Variants in GNAQ observed in about 807,000 individuals in gnomAD.
GNAQ encodes guanine nucleotide-binding protein G(q) subunit alpha.
In GNAQ, 8 loss-of-function variants were observed where a neutral mutation model predicts 43.9. The observed-to-expected ratio is 0.18, with a 90% confidence interval of 0.11 to 0.33. The LOEUF (loss-of-function observed/expected upper bound fraction) is 0.33, where lower values mean the gene tolerates loss of function less well. GNAQ is among the 10% of genes least tolerant of loss of function. The probability of loss-of-function intolerance (pLI) is 1.00; values close to 1 mark genes in which losing one functional copy is unlikely to be tolerated. For missense variants in GNAQ, 158 were observed against 450.8 expected (o/e 0.35, Z 5.88); for synonymous variants, 155 against 170.7 (o/e 0.91, Z 0.71).
At chr9:77,779,618 T>C (rs983627626) in intron 5 of GNAQ, among the ~76,000 whole-genome samples, 33 of 143,658 alleles carry the variant, frequency 2.3e-4, no homozygotes, top group South Asian at 1.1e-3. Flanking sequence ...AAACCAAAGC[T>C]GATTCTTCGA....
intron 5 of GNAQ, among the ~76,000 whole-genome samples, chr9:77,764,182 A>C (rs1207244924): frequency 6.6e-6 from 1 of 152,182 alleles, no homozygotes; most frequent in Admixed American, 6.5e-5. Context: ...TTCTAGTCTC[A>C]GAGTTGAAGG....
chr9:77,894,402 T>TAATAGAAAAAATATATAA (rs1828465001), intron 2 of GNAQ, among the ~76,000 whole-genome samples: 1 of 1,122 alleles, frequency 8.9e-4, no homozygotes, highest in African/African-American at 3.5e-3. Flanking sequence ...AATATATATT[T>TAATAGAAAAAATATATAA]TATATATATA....
chr9:77,979,859 G>T (rs1320095270), intron 1 of GNAQ, among the ~76,000 whole-genome samples: 3 of 152,064 alleles, frequency 2.0e-5, no homozygotes, highest in Non-Finnish European at 2.9e-5. Context: ...CCTGATTTTG[G>T]TTAATGTTTA....
chr9:77,737,129 A>G (rs772232771), intron 5 of GNAQ, among the ~76,000 whole-genome samples: 7 of 152,174 alleles, frequency 4.6e-5, no homozygotes, highest in Non-Finnish European at 1.0e-4. Context: ...TGACTTTTCA[A>G]TTCACTGAAC....
chr9:77,904,781 T>A (rs1037562298), intron 2 of GNAQ, among the ~76,000 whole-genome samples: 1 of 152,182 alleles, frequency 6.6e-6, no homozygotes, highest in African/African-American at 2.4e-5. Flanking sequence ...CACATCAACA[T>A]GTTTGAAAAC....
chr9:77,857,380 T>C (rs1827771939), intron 2 of GNAQ, among the ~76,000 whole-genome samples: 1 of 152,130 alleles, frequency 6.6e-6, no homozygotes, highest in South Asian at 2.1e-4. Flanking sequence ...ACTTCTTATC[T>C]AGATCTTTGT....
chr9:77,917,296 T>A (rs1031116960), intron 2 of GNAQ, among the ~76,000 whole-genome samples: 2 of 151,980 alleles, frequency 1.3e-5, no homozygotes, highest in African/African-American at 4.8e-5. Flanking sequence ...CTTTCCTTTT[T>A]AATTAAGAGC....
intron 1 of GNAQ, among the ~76,000 whole-genome samples, chr9:77,965,045 A>G (rs1453005033): frequency 6.6e-6 from 1 of 152,164 alleles, no homozygotes; most frequent in African/African-American, 2.4e-5. Context: ...ACAAACCCAG[A>G]TCACAGCCTC....
chr9:77,856,235 G>A (rs1374513224), intron 2 of GNAQ, among the ~76,000 whole-genome samples: 1 of 152,160 alleles, frequency 6.6e-6, no homozygotes, highest in African/African-American at 2.4e-5. Flanking sequence ...GAACTGAAAA[G>A]TATCTAGGTT....
At chr9:77,848,649 G>A (rs1273440136) in intron 2 of GNAQ, among the ~76,000 whole-genome samples, 1 of 152,336 alleles carries the variant, frequency 6.6e-6, no homozygotes, top group East Asian at 1.9e-4. Context: ...TTAGTGTGGT[G>A]GGAATAAGGA....
chr9:78,017,220 A>C (rs189134480), intron 1 of GNAQ, among the ~76,000 whole-genome samples: 407 of 152,274 alleles, frequency 2.7e-3, no homozygotes, highest in Non-Finnish European at 4.5e-3. Flanking sequence ...CTGTGGTGTA[A>C]ACCCTAGCAA....
At chr9:77,981,576 A>C (rs1564169622) in intron 1 of GNAQ, among the ~76,000 whole-genome samples, 1 of 152,164 alleles carries the variant, frequency 6.6e-6, no homozygotes, top group East Asian at 1.9e-4. Flanking sequence ...CTGGCTGTGC[A>C]CTCCCAGGCT....
intron 2 of GNAQ, among the ~76,000 whole-genome samples, chr9:77,904,579 G>A (rs564182951): frequency 6.6e-6 from 1 of 151,832 alleles, no homozygotes; most frequent in African/African-American, 2.4e-5. Flanking sequence ...TGATCTGCCC[G>A]CCTCGGCCTC....
At position 77,845,668 on chromosome 9, in the gene GNAQ, G is replaced by A. The variant is rs977403427; in HGVS notation, c.322-29898C>T. 2.6e-5 allele frequency among the ~76,000 whole-genome samples: 4 copies of A among 152,122 alleles called. No individual in the cohort carries two copies. The South Asian group carries it at 8.3e-4, about 32-fold the overall frequency. ...ACCATCTCTTTATAATCAGAAAGAC[G>A]ACCACCTCATCCAGAAACACTGAAA... On this transcript the variant is annotated intron_variant, in intron 2 of 6. Coordinates refer to ENST00000286548, the MANE Select transcript of GNAQ (RefSeq NM_002072.5).
In GNAQ at chr9:77,828,059, CAAAAAAAAAAAAAAAAAAA is replaced by C. The variant is rs71360654; in HGVS notation, c.322-12308_322-12290del. On this transcript the variant is annotated intron_variant, in intron 2 of 6. Coordinates refer to ENST00000286548, the MANE Select transcript of GNAQ (RefSeq NM_002072.5). ...TGGGCGACAGAGTGAGACTCCTCCTCAAAAAAAAAAAAAAAAAAAAAAAAAAAAAAAAAAGAAGGGGCAG... is the reference window on the plus strand; with the variant it reads ...TGGGCGACAGAGTGAGACTCCTCCTCAAAAAAAAAAAAAAAGAAGGGGCAG... Among the ~76,000 whole-genome samples, 71 of 19,254 alleles carry C rather than the reference CAAAAAAAAAAAAAAAAAAA, an allele frequency of 3.7e-3. 2 individuals are homozygous for C. The South Asian group carries it at 0.099, about 27-fold the overall frequency. The allele number at this position is 19,254 out of a possible 152,430, so 12.6% of individuals were successfully genotyped here.
At chr9:77,846,609 G>A (rs1827588790) in intron 2 of GNAQ, among the ~76,000 whole-genome samples, 1 of 152,100 alleles carries the variant, frequency 6.6e-6, no homozygotes, top group Non-Finnish European at 1.5e-5. Flanking sequence ...CCAGGGAGAT[G>A]GCCGAACTGT....
intron 1 of GNAQ, among the ~76,000 whole-genome samples, chr9:78,015,620 CTATA>C (rs975097833): frequency 4.6e-5 from 7 of 151,706 alleles, no homozygotes; most frequent in Admixed American, 1.3e-4. Context: ...CAAAAATTGA[CTATA>C]TATATTAGAC....
intron 5 of GNAQ, among the ~76,000 whole-genome samples, chr9:77,775,633 C>T (rs1368943012): frequency 2.6e-5 from 4 of 151,878 alleles, no homozygotes; most frequent in East Asian, 1.9e-4. Context: ...GATCTCTTGA[C>T]GTGATCAGCC....
At chr9:77,739,972 A>G (rs558115343) in intron 5 of GNAQ, among the ~76,000 whole-genome samples, 2 of 152,352 alleles carry the variant, frequency 1.3e-5, no homozygotes, top group Admixed American at 1.3e-4. Context: ...TAATAAACCA[A>G]CAAAGCACAC....
Sources: gnomAD v4.1 joint callset for allele counts (sites outside exome capture counted in the v4.1 genomes callset) on GRCh38, gnomAD v4.1.1 for gene constraint, MANE v1.5 for transcripts, NCBI Gene and HGNC (gene_info 2026-07-23, HGNC 2026-07-21) for gene names.